Variants in RASAL2 observed in about 807,000 individuals in gnomAD.
The protein encoded by RASAL2 is RAS protein activator like 2, also known as ras GTPase-activating protein nGAP.
In RASAL2, 58 loss-of-function variants were observed where a neutral mutation model predicts 128.9. That is an observed-to-expected ratio of 0.45 (90% CI 0.36 to 0.56). RASAL2 has a LOEUF of 0.56. RASAL2 is among the 20% of genes least tolerant of loss of function. The pLI, the probability that RASAL2 is intolerant of heterozygous loss-of-function variation, is 0.00. For synonymous variants in RASAL2, 561 were observed against 580.8 expected (o/e 0.97, Z 0.49); for missense variants, 1,360 against 1,601.6 (o/e 0.85, Z 2.57).
chr1:178,235,547 A>G (rs982392093), intron 1 of RASAL2, among the ~76,000 whole-genome samples: 1 of 152,162 alleles, frequency 6.6e-6, no homozygotes, highest in East Asian at 1.9e-4. Context: ...TACCAGTAAC[A>G]TAACAACATT....
At chr1:178,314,814 G>C (rs1668425501) in intron 3 of RASAL2, among the ~76,000 whole-genome samples, 2 of 151,748 alleles carry the variant, frequency 1.3e-5, no homozygotes, top group South Asian at 2.1e-4. Flanking sequence ...TATACTTTAA[G>C]TTTTAGGGTA....
intron 3 of RASAL2, among the ~76,000 whole-genome samples, chr1:178,329,457 G>T (rs937531158): frequency 1.4e-4 from 21 of 152,216 alleles, no homozygotes; most frequent in African/African-American, 5.1e-4. Context: ...CACATCTTCA[G>T]GAAATTTCAG....
At chr1:178,164,433 T>C (rs1312541274) in intron 1 of RASAL2, among the ~76,000 whole-genome samples, 1 of 152,022 alleles carries the variant, frequency 6.6e-6, no homozygotes, top group Admixed American at 6.6e-5. Context: ...AGGGGAAATG[T>C]ATTTAATTTT....
At chr1:178,253,144 G>C (rs561021723) in intron 1 of RASAL2, among the ~76,000 whole-genome samples, 4 of 152,234 alleles carry the variant, frequency 2.6e-5, no homozygotes, top group Admixed American at 1.3e-4. Context: ...GGTGGTTGCT[G>C]ACAGTCTTTG....
At chr1:178,326,686 A>G (rs891410728) in intron 3 of RASAL2, among the ~76,000 whole-genome samples, 2 of 152,170 alleles carry the variant, frequency 1.3e-5, no homozygotes, top group Non-Finnish European at 2.9e-5. Flanking sequence ...CTGGGATTAC[A>G]GGCATGTGCC....
chr1:178,221,350 A>G (rs747971837), intron 1 of RASAL2, among the ~76,000 whole-genome samples: 2 of 152,256 alleles, frequency 1.3e-5, no homozygotes, highest in Non-Finnish European at 2.9e-5. Flanking sequence ...CCTAAGGTAG[A>G]AGCTTCAGTT....
chr1:178,277,789 T>C (rs1666596028), intron 1 of RASAL2, among the ~76,000 whole-genome samples: 2 of 152,382 alleles, frequency 1.3e-5, no homozygotes. Context: ...TATTTCTTTT[T>C]TTAGGTTGGC....
intron 1 of RASAL2, among the ~76,000 whole-genome samples, chr1:178,176,722 T>A (rs2101921059): frequency 6.6e-6 from 1 of 152,064 alleles, no homozygotes; most frequent in Non-Finnish European, 1.5e-5. Flanking sequence ...CATAGCTCAC[T>A]GTAACCTCAA....
intron 5 of RASAL2, among the ~76,000 whole-genome samples, chr1:178,425,013 CCCTCAA>C (rs1675430833): frequency 6.6e-6 from 1 of 152,080 alleles, no homozygotes; most frequent in African/African-American, 2.4e-5. Context: ...AAAGATACAG[CCCTCAA>C]CCTCGAGGAG....
chr1:178,242,788 G>A (rs1664575816), intron 1 of RASAL2, among the ~76,000 whole-genome samples: 1 of 152,126 alleles, frequency 6.6e-6, no homozygotes, highest in Admixed American at 6.6e-5. Flanking sequence ...AGTGAGTGGT[G>A]CCATCAAAGC....
intron 1 of RASAL2, among the ~76,000 whole-genome samples, chr1:178,243,012 G>A (rs778475418): frequency 6.6e-6 from 1 of 151,626 alleles, no homozygotes. Context: ...TTTCATTCAA[G>A]TTGAGATTTT....
At chr1:178,296,109 A>G (rs1279211102) in intron 2 of RASAL2, among the ~76,000 whole-genome samples, 3 of 149,686 alleles carry the variant, frequency 2.0e-5, no homozygotes, top group African/African-American at 7.5e-5. Context: ...ATGTGTATAT[A>G]TGTGTGTATA....
intron 1 of RASAL2, among the ~76,000 whole-genome samples, chr1:178,280,415 G>A (rs1666728779): frequency 1.3e-5 from 2 of 151,890 alleles, no homozygotes; most frequent in Admixed American, 1.3e-4. Flanking sequence ...ACATGCAGTA[G>A]GAGTGTTATT....
chr1:178,167,943 A>G (rs897151607), intron 1 of RASAL2, among the ~76,000 whole-genome samples: 20 of 152,068 alleles, frequency 1.3e-4, no homozygotes, highest in African/African-American at 4.3e-4. Context: ...GCAAGGTTTT[A>G]ACTGTATCTA....
intron 11 of RASAL2, among the ~76,000 whole-genome samples, chr1:178,453,181 T>C (rs1386203295): frequency 6.6e-6 from 1 of 152,130 alleles, no homozygotes; most frequent in African/African-American, 2.4e-5. Context: ...TTGAAACTTA[T>C]TTGGATCTTA....
At chr1:178,384,338 A>G (rs1437036442) in intron 3 of RASAL2, among the ~76,000 whole-genome samples, 2 of 152,200 alleles carry the variant, frequency 1.3e-5, no homozygotes, top group African/African-American at 4.8e-5. Flanking sequence ...ATATCTTTCT[A>G]CATTTTATTT....
chr1:178,214,660 G>A (rs1043943677), intron 1 of RASAL2, among the ~76,000 whole-genome samples: 1 of 151,404 alleles, frequency 6.6e-6, no homozygotes, highest in Admixed American at 6.6e-5. Context: ...CTGGGTTCAT[G>A]CCATTCTCCT....
intron 4 of RASAL2, among the ~76,000 whole-genome samples, chr1:178,414,579 T>G (rs913931279): frequency 2.0e-5 from 3 of 151,952 alleles, no homozygotes; most frequent in African/African-American, 7.3e-5. Flanking sequence ...ATTGGAAATC[T>G]TTATATCTTC....
intron 1 of RASAL2, among the ~76,000 whole-genome samples, chr1:178,143,088 TG>T (rs750086148): frequency 1.3e-5 from 2 of 152,048 alleles, no homozygotes; most frequent in Non-Finnish European, 2.9e-5. Flanking sequence ...ACATGAGATT[TG>T]GAAGGAACAC....
Sources: allele counts gnomAD v4.1 joint callset (sites outside exome capture counted in the v4.1 genomes callset), GRCh38; gene constraint gnomAD v4.1.1; transcripts MANE v1.5; gene names NCBI Gene and HGNC (gene_info 2026-07-23, HGNC 2026-07-21).